PCDH19: variants seen among roughly 807,000 people sequenced by gnomAD.
PCDH19 encodes protocadherin 19, also known as protocadherin-19.
In PCDH19, 6 loss-of-function variants were observed where a neutral mutation model predicts 46.2. The observed-to-expected ratio is 0.13, with a 90% CI of 0.07 to 0.26. PCDH19 has a LOEUF of 0.26. PCDH19 is among the 10% of genes least tolerant of loss of function. PCDH19 has a pLI of 1.00. For missense variants in PCDH19, 740 were observed against 972.3 expected (o/e 0.76, Z 3.18); for synonymous variants, 481 against 415.7 (o/e 1.16, Z -1.91).
chrX:100,300,332 T>A (rs1391548157), intron 5 of PCDH19, among the ~76,000 whole-genome samples: 2 of 112,100 alleles, frequency 1.8e-5, no homozygotes, highest in African/African-American at 6.5e-5. Flanking sequence ...TATGTGCCAG[T>A]CCTCATGTAG....
At chrX:100,387,968 C>T (rs990069963) in intron 3 of PCDH19, among the ~76,000 whole-genome samples, 1 of 111,388 alleles carries the variant, frequency 9.0e-6, no homozygotes, top group African/African-American at 3.3e-5. Flanking sequence ...ACTGTCTATG[C>T]CACCTTTTTG....
intron 3 of PCDH19, among the ~76,000 whole-genome samples, chrX:100,378,628 A>G (rs1041396034): frequency 8.9e-6 from 1 of 112,570 alleles, no homozygotes; most frequent in Admixed American, 9.4e-5. Flanking sequence ...GCTAGCCAGT[A>G]TAACCACCAC....
At chrX:100,372,984 C>T (rs1927268552) in intron 3 of PCDH19, among the ~76,000 whole-genome samples, 1 of 112,218 alleles carries the variant, frequency 8.9e-6, no homozygotes, top group Admixed American at 9.4e-5. Context: ...ATCCTCAGTT[C>T]TCTTTCTGCC....
At chrX:100,309,675 G>A (rs1044527918) in intron 5 of PCDH19, among the ~76,000 whole-genome samples, 1 of 111,530 alleles carries the variant, frequency 9.0e-6, no homozygotes, top group African/African-American at 3.3e-5. Context: ...CACTAGAAAT[G>A]TCTGGATGTG....
chrX:100,357,377 C>T (rs1926748736), intron 3 of PCDH19, among the ~76,000 whole-genome samples: 1 of 111,925 alleles, frequency 8.9e-6, no homozygotes. Context: ...TCTCCCTATC[C>T]TATCAAATAG....
chrX:100,308,596 A>G (rs896227544), intron 5 of PCDH19, among the ~76,000 whole-genome samples: 2 of 111,850 alleles, frequency 1.8e-5, no homozygotes, highest in African/African-American at 6.5e-5. Context: ...CAGACAACCC[A>G]CAGAGAGGGA....
intron 3 of PCDH19, among the ~76,000 whole-genome samples, chrX:100,388,049 A>G (rs913227256): frequency 3.6e-5 from 4 of 111,436 alleles, no homozygotes; most frequent in African/African-American, 1.3e-4. Flanking sequence ...AAAATAACAC[A>G]TGTTCAATGC....
intron 5 of PCDH19, among the ~76,000 whole-genome samples, chrX:100,298,151 T>C (rs1370445708): frequency 9.0e-6 from 1 of 111,422 alleles, no homozygotes; most frequent in Non-Finnish European, 1.9e-5. Flanking sequence ...TTGGTGTTTT[T>C]TGTTTGCTTC....
intron 3 of PCDH19, among the ~76,000 whole-genome samples, chrX:100,378,508 T>C (rs1927452906): frequency 8.9e-6 from 1 of 112,597 alleles, no homozygotes; most frequent in Admixed American, 9.4e-5. Context: ...TATAACCGTG[T>C]CTGATGCTTT....
At chrX:100,311,079 C>G (rs544588967) in intron 5 of PCDH19, among the ~76,000 whole-genome samples, 2 of 109,989 alleles carry the variant, frequency 1.8e-5, no homozygotes, top group African/African-American at 6.6e-5. Flanking sequence ...ATCCTGGACT[C>G]AAAGGATCCT....
chrX:100,391,759 A>C (rs996552485), intron 3 of PCDH19, among the ~76,000 whole-genome samples: 4 of 112,142 alleles, frequency 3.6e-5, no homozygotes, highest in African/African-American at 1.3e-4. Context: ...TTTCCCTAGT[A>C]ATAACAGGCT....
At chrX:100,362,082 A>AC (rs1437292960) in intron 3 of PCDH19, among the ~76,000 whole-genome samples, 1 of 111,797 alleles carries the variant, frequency 8.9e-6, no homozygotes, top group Non-Finnish European at 1.9e-5. Flanking sequence ...CAGAAACATA[A>AC]CGCTGTACTG....
At chrX:100,363,886 T>TGTGAGAGA (rs1207488480) in intron 3 of PCDH19, among the ~76,000 whole-genome samples, 2 of 98,044 alleles carry the variant, frequency 2.0e-5, no homozygotes, top group African/African-American at 3.9e-5. Context: ...TGTGTGTGTG[T>TGTGAGAGA]GAGAGAGAGG....
rs192354176 is a variant in PCDH19 at position 100,406,915 on chromosome X, C to T, written c.1683G>A (p.Pro561=). ...VIILDVNDNT[P]VITAPPLING... ...TAATCAGAGGTGGGGCTGTGATGACCGGGGTGTTGTCGTTGACGTCGAGGA... is the reference window on the plus strand; with the variant it reads ...TAATCAGAGGTGGGGCTGTGATGACTGGGGTGTTGTCGTTGACGTCGAGGA... The change falls in exon 1 of 6, where the codon CCG becomes CCA. Residue 561 remains proline, a synonymous_variant. Coordinates refer to ENST00000373034, the MANE Select transcript of PCDH19 (RefSeq NM_001184880.2). 3.3e-3 allele frequency: 3,962 copies of T among 1,210,006 alleles called. 8 individuals are homozygous for T. The highest frequency in any genetic ancestry group is 4.4e-3 in the Middle Eastern group (19 of 4,352).
At chrX:100,385,100 A>C (rs1347400061) in intron 3 of PCDH19, among the ~76,000 whole-genome samples, 2 of 105,255 alleles carry the variant, frequency 1.9e-5, no homozygotes, top group Non-Finnish European at 3.9e-5. Flanking sequence ...TGGAGGTTGC[A>C]GTGAATGGAG....
At chrX:100,386,446 G>A (rs915103133) in intron 3 of PCDH19, among the ~76,000 whole-genome samples, 2 of 111,007 alleles carry the variant, frequency 1.8e-5, no homozygotes, top group Non-Finnish European at 3.8e-5. Flanking sequence ...CACCTTCTGG[G>A]GTTTTATATT....
chrX:100,403,743 G>A, intron 1 of PCDH19, 79 bp from the exon 2 acceptor site: 3 of 895,391 alleles, frequency 3.4e-6, no homozygotes, highest in Non-Finnish European at 4.6e-6. Flanking sequence ...TGCTGCAACT[G>A]GAACATAAAG....
At position 100,407,765 on chromosome X, in the gene PCDH19, TAGA is replaced by T; in HGVS notation, c.830_832del (p.Phe277del). 1 of 1,212,011 alleles carries T rather than the reference TAGA, an allele frequency of 8.3e-7. No individual in the cohort carries two copies. The highest frequency in any genetic ancestry group is 1.1e-6 in the Non-Finnish European group (1 of 895,491). On this transcript the variant is annotated inframe_deletion, in exon 1 of 6. Coordinates refer to ENST00000373034, the MANE Select transcript of PCDH19 (RefSeq NM_001184880.2). The stretch of plus-strand genomic sequence containing the variant: ...GCGCGTGCGGTCGTTGACGTAGCCA[TAGA>T]AGGAGTAGACCACCTGGCCGTTGGT...
chrX:100,355,245 T>C (rs1926676672), intron 3 of PCDH19, among the ~76,000 whole-genome samples: 1 of 111,825 alleles, frequency 8.9e-6, no homozygotes, highest in Non-Finnish European at 1.9e-5. Flanking sequence ...TTCTGAAACA[T>C]ATCACAAAGT....
Sources: allele counts gnomAD v4.1 joint callset (sites outside exome capture counted in the v4.1 genomes callset), GRCh38; gene constraint gnomAD v4.1.1; transcripts MANE v1.5; gene names NCBI Gene and HGNC (gene_info 2026-07-23, HGNC 2026-07-21).